Variants in SPOCK1 observed in about 807,000 individuals in gnomAD.
The protein encoded by SPOCK1 is testican-1.
In SPOCK1, 23 loss-of-function variants were observed where a neutral mutation model predicts 55.3. The ratio of observed to expected loss-of-function variants is 0.42; its 90% CI spans 0.30 to 0.59. The LOEUF (loss-of-function observed/expected upper bound fraction) is 0.59. Among genes scored for constraint, SPOCK1 ranks in the 20% least tolerant of loss-of-function variants. The pLI, the probability that SPOCK1 is intolerant of heterozygous loss-of-function variation, is 0.22. For missense variants in SPOCK1, 499 were observed against 552.5 expected (o/e 0.90, Z 0.97); for synonymous variants, 226 against 221.0 (o/e 1.02, Z -0.20).
chr5:137,016,310 G>A (rs982930529), intron 6 of SPOCK1, among the ~76,000 whole-genome samples: 1 of 152,172 alleles, frequency 6.6e-6, no homozygotes, highest in Non-Finnish European at 1.5e-5. Context: ...CAGAATAAAT[G>A]AAGGTCATGC....
At chr5:137,011,906 G>C (rs889083568) in intron 6 of SPOCK1, among the ~76,000 whole-genome samples, 4 of 152,166 alleles carry the variant, frequency 2.6e-5, no homozygotes, top group African/African-American at 9.7e-5. Context: ...AGTTCAACTT[G>C]TCATGTTCAT....
intron 2 of SPOCK1, among the ~76,000 whole-genome samples, chr5:137,437,804 C>CT (rs1752896034): frequency 6.6e-6 from 1 of 152,194 alleles, no homozygotes; most frequent in African/African-American, 2.4e-5. Flanking sequence ...ATAGTAACCA[C>CT]TTCTAAGTCT....
At chr5:137,124,153 C>T (rs780765291) in intron 4 of SPOCK1, among the ~76,000 whole-genome samples, 1 of 152,156 alleles carries the variant, frequency 6.6e-6, no homozygotes, top group South Asian at 2.1e-4. Context: ...AGAAACTGCT[C>T]AAGTTGGAGA....
At chr5:137,346,687 C>T (rs1044555813) in intron 2 of SPOCK1, among the ~76,000 whole-genome samples, 5 of 152,206 alleles carry the variant, frequency 3.3e-5, no homozygotes, top group Non-Finnish European at 1.5e-5. Flanking sequence ...TCCTCCGAGG[C>T]TTGCCTCCTT....
At chr5:137,034,791 G>T (rs555791168) in intron 6 of SPOCK1, among the ~76,000 whole-genome samples, 2 of 152,318 alleles carry the variant, frequency 1.3e-5, no homozygotes, top group African/African-American at 4.8e-5. Context: ...CCACAGTTGA[G>T]AAAGGGCACT....
intron 2 of SPOCK1, among the ~76,000 whole-genome samples, chr5:137,326,554 A>G (rs1390131483): frequency 6.6e-6 from 1 of 152,208 alleles, no homozygotes; most frequent in East Asian, 1.9e-4. Flanking sequence ...TTTAACAGCA[A>G]AAGCCAATCT....
At chr5:137,000,146 C>T (rs991025038) in intron 6 of SPOCK1, among the ~76,000 whole-genome samples, 14 of 152,118 alleles carry the variant, frequency 9.2e-5, no homozygotes, top group Non-Finnish European at 1.5e-5. Flanking sequence ...TGGGAGCAAG[C>T]TCGGAGGCCT....
intron 4 of SPOCK1, among the ~76,000 whole-genome samples, chr5:137,132,019 T>TAA (rs796357647): frequency 5.3e-5 from 3 of 56,092 alleles, no homozygotes; most frequent in African/African-American, 2.5e-4. Flanking sequence ...TATATATATA[T>TAA]AAAAAATTAG....
chr5:137,475,812 C>A (rs1232530133), intron 2 of SPOCK1, among the ~76,000 whole-genome samples: 1 of 152,050 alleles, frequency 6.6e-6, no homozygotes, highest in African/African-American at 2.4e-5. Flanking sequence ...TGGCCTCAAA[C>A]AATCTTCCTG....
At chr5:137,221,873 A>G (rs1755854134) in intron 3 of SPOCK1, among the ~76,000 whole-genome samples, 2 of 152,224 alleles carry the variant, frequency 1.3e-5, no homozygotes, top group South Asian at 4.1e-4. Flanking sequence ...GTACACAACC[A>G]GTTATTCCTC....
At chr5:137,438,214 C>T (rs907444077) in intron 2 of SPOCK1, among the ~76,000 whole-genome samples, 1 of 151,876 alleles carries the variant, frequency 6.6e-6, no homozygotes, top group Admixed American at 6.6e-5. Context: ...ACTGGGGGCT[C>T]CTGCACAGGT....
chr5:137,231,031 A>C (rs1045995725), intron 3 of SPOCK1, among the ~76,000 whole-genome samples: 22 of 143,784 alleles, frequency 1.5e-4, no homozygotes, highest in African/African-American at 5.2e-4. Context: ...CACCACAAGG[A>C]TCCCTGGTGT....
intron 2 of SPOCK1, among the ~76,000 whole-genome samples, chr5:137,358,698 G>C (rs959114303): frequency 1.3e-5 from 2 of 152,304 alleles, no homozygotes; most frequent in East Asian, 3.9e-4. Context: ...AACCTGGAAT[G>C]TTCCAGGTGG....
chr5:137,466,038 C>T (rs955820475), intron 2 of SPOCK1, among the ~76,000 whole-genome samples: 2 of 152,182 alleles, frequency 1.3e-5, no homozygotes, highest in African/African-American at 4.8e-5. Context: ...AGCTTAAAGA[C>T]TTTATTACTG....
chr5:137,138,522 C>CACACAT (rs888870855), intron 4 of SPOCK1, among the ~76,000 whole-genome samples: 11 of 151,352 alleles, frequency 7.3e-5, no homozygotes, highest in Admixed American at 3.3e-4. Context: ...CACACACACA[C>CACACAT]ACACACCACA....
intron 2 of SPOCK1, among the ~76,000 whole-genome samples, chr5:137,436,242 G>A (rs145319664): frequency 6.6e-6 from 1 of 152,178 alleles, no homozygotes; most frequent in East Asian, 1.9e-4. Flanking sequence ...CTTCCCTAAT[G>A]TCAGAGTTAA....
chr5:137,123,050 TGGCATGTGAGGAGCTTA>T (rs754246389), intron 4 of SPOCK1, among the ~76,000 whole-genome samples: 1 of 152,134 alleles, frequency 6.6e-6, no homozygotes, highest in Non-Finnish European at 1.5e-5. Flanking sequence ...GATTGAGACA[TGGCATGTGAGGAGCTTA>T]GGCTGAACAC....
At chr5:137,122,661 G>C (rs1351592492) in intron 4 of SPOCK1, among the ~76,000 whole-genome samples, 1 of 152,206 alleles carries the variant, frequency 6.6e-6, no homozygotes, top group Non-Finnish European at 1.5e-5. Flanking sequence ...AACTTCATTT[G>C]GTATCTCCTG....
At chr5:137,224,428 G>A (rs1296262578) in intron 3 of SPOCK1, among the ~76,000 whole-genome samples, 1 of 152,152 alleles carries the variant, frequency 6.6e-6, no homozygotes, top group African/African-American at 2.4e-5. Context: ...CTCCAAAGTT[G>A]GGGTCCATAA....
Sources: allele counts gnomAD v4.1 joint callset (sites outside exome capture counted in the v4.1 genomes callset), GRCh38; gene constraint gnomAD v4.1.1; transcripts MANE v1.5; gene names NCBI Gene and HGNC (gene_info 2026-07-23, HGNC 2026-07-21).